The following COL1A2 variants were observed in gnomAD, a reference collection of about 807,000 sequenced individuals.
COL1A2 encodes the protein collagen alpha-2(I) chain.
In COL1A2, 49 loss-of-function variants were observed where a neutral mutation model predicts 174.3. The observed-to-expected ratio is 0.28, with a 90% CI of 0.22 to 0.36. The LOEUF is 0.36. Among genes scored for constraint, COL1A2 ranks in the 10% least tolerant of loss-of-function variants. COL1A2 has a pLI of 1.00. For synonymous variants in COL1A2, 655 were observed against 606.6 expected (o/e 1.08, Z -1.17); for missense variants, 1,438 against 1,822.7 (o/e 0.79, Z 3.84).
chr7:94,407,995 C>T, intron 13 of COL1A2, 104 bp downstream of exon 13: 1 of 1,258,370 alleles, frequency 7.9e-7, no homozygotes, highest in Non-Finnish European at 1.1e-6. Flanking sequence ...GCATTGTATT[C>T]TTTGATGTTT....
chr7:94,405,601 T>G (rs775320114), intron 10 of COL1A2, 72 bp from the exon 11 acceptor site: 85 of 1,351,928 alleles, frequency 6.3e-5, no homozygotes, highest in Non-Finnish European at 8.3e-5. Flanking sequence ...ATAAATACTT[T>G]GGAGGGAAGA....
intron 25 of COL1A2, 53 bp from the exon 26 acceptor site, chr7:94,413,030 T>C (rs1791960321): frequency 6.4e-7 from 1 of 1,557,922 alleles, no homozygotes; most frequent in Non-Finnish European, 8.9e-7. Flanking sequence ...GTGGTTAATT[T>C]GACATTAAAT....
In COL1A2 at chr7:94,427,641, C is replaced by A. The variant is rs753082771; in HGVS notation, c.3282C>A (p.Pro1094=). ...GHQGPAGPPG[P]PGPPGPPGVS... ...CACCTTTGCAGGGCCCCCCTGGTCC[C>A]CCTGGCCCTCCTGGACCTCCAGGTG... The change falls in exon 49 of 52, where the codon CCC becomes CCA. Residue 1094 remains proline (P), a synonymous_variant. Coordinates refer to ENST00000297268, the MANE Select transcript of COL1A2 (RefSeq NM_000089.4). 2 of 1,614,100 alleles carry A rather than the reference C, an allele frequency of 1.2e-6. No homozygotes were observed. The highest frequency in any genetic ancestry group is 4.5e-5 in the East Asian group (2 of 44,862).
Position 94,426,462 on chromosome 7 carries a change from G to A in COL1A2, c.3037G>A (p.Glu1013Lys), listed in dbSNP as rs1435469001. The change falls in exon 46 of 52, where the codon GAA (glutamate) becomes AAA (lysine). Residue 1013 changes from glutamate to lysine, a missense_variant. This residue lies in a region of COL1A2 where 867 missense variants were observed against 1,213.7 expected (regional missense o/e 0.71). Transcript: ENST00000297268. ...TCGTGGCGATAAGGGAGAGCCCGGT[G>A]AAAAGGGGCCCAGAGGTCTTCCTGG... Reference protein sequence around the residue: ...GIRGDKGEPGEKGPRGLPGLK... With the variant: ...GIRGDKGEPGKKGPRGLPGLK... The A allele has an allele frequency of 1.2e-6, 2 of 1,607,016 alleles. No individual in the cohort carries two copies. Among genetic ancestry groups the A allele is most frequent in the East Asian group, 2.2e-5 (1 of 44,678 alleles).
rs771378772 is a variant in COL1A2 at position 94,420,515 on chromosome 7, G to A, written c.2188-26G>A. The A allele has an allele frequency of 2.7e-5, 43 of 1,613,934 alleles. 2 individuals are homozygous for A. The Middle Eastern group carries it at 4.9e-4, about 19-fold the overall frequency. On this transcript the variant is annotated intron_variant, in intron 36 of 51. Transcript: ENST00000297268. The stretch of plus-strand genomic sequence containing the variant: ...GGGAGTAGAGTGGGTCGGAATACCA[G>A]AGCTGTAACTGTTTATTTCCAACAG...
intron 45 of COL1A2, 29 bp downstream of exon 45, chr7:94,426,080 A>G (rs1792271977): frequency 1.9e-6 from 3 of 1,588,408 alleles, no homozygotes; most frequent in Admixed American, 1.7e-5. Flanking sequence ...TTTCTTTGCA[A>G]CACTAACATT....
At chr7:94,425,372 G>C in intron 42 of COL1A2, 148 bp downstream of exon 42, 1 of 878,852 alleles carries the variant, frequency 1.1e-6, no homozygotes, top group Non-Finnish European at 1.8e-6. Flanking sequence ...CTGAAAATAT[G>C]AAAATTGCTT....
intron 6 of COL1A2, among the ~76,000 whole-genome samples, chr7:94,403,949 T>C (rs1368495859): frequency 6.6e-6 from 1 of 152,200 alleles, no homozygotes; most frequent in Non-Finnish European, 1.5e-5. Context: ...TATCATATAA[T>C]AGACTCTTCC....
At chr7:94,419,995 G>T (rs1792121459) in intron 34 of COL1A2, among the ~76,000 whole-genome samples, 3 of 152,094 alleles carry the variant, frequency 2.0e-5, no homozygotes, top group Non-Finnish European at 4.4e-5. Context: ...CCTCCTCCTG[G>T]TATTGTAGGC....
chr7:94,419,646 G>T, intron 34 of COL1A2, 95 bp downstream of exon 34: 1 of 1,321,982 alleles, frequency 7.6e-7, no homozygotes, highest in Non-Finnish European at 1.1e-6. Flanking sequence ...TTATGGCTTG[G>T]TATAAAGCCT....
intron 42 of COL1A2, 167 bp from the exon 43 acceptor site, chr7:94,425,443 T>C (rs2115950722): frequency 1.2e-6 from 1 of 863,528 alleles, no homozygotes; most frequent in Non-Finnish European, 1.9e-6. Context: ...ATTTAAAACA[T>C]CTCTAAAAAA....
intron 24 of COL1A2, 90 bp from the exon 25 acceptor site, chr7:94,412,494 A>G (rs1233242289): frequency 1.0e-6 from 1 of 995,234 alleles, no homozygotes; most frequent in Non-Finnish European, 1.6e-6. Flanking sequence ...CATTCAGAAA[A>G]CTATTCTGTT....
chr7:94,421,837 C>T, intron 38 of COL1A2, 62 bp from the exon 39 acceptor site: 2 of 1,527,040 alleles, frequency 1.3e-6, no homozygotes, highest in Non-Finnish European at 1.8e-6. Flanking sequence ...AAGAAATTCC[C>T]ATCTTACCCA....
At chr7:94,419,350 C>A in intron 33 of COL1A2, 148 bp from the exon 34 acceptor site, 1 of 892,542 alleles carries the variant, frequency 1.1e-6, no homozygotes, top group South Asian at 1.4e-5. Context: ...TAATTAGAAC[C>A]AAAATACATC....
Position 94,412,188 on chromosome 7 carries a change from G to C in COL1A2, c.1404+67G>C, listed in dbSNP as rs1224387122. 6 of 1,383,992 alleles carry C rather than the reference G, an allele frequency of 4.3e-6. No individual in the cohort carries two copies. In the East Asian group the frequency reaches 1.4e-4, roughly 32 times the overall value. The allele number at this position is 1,383,992 out of a possible 1,614,324, so 85.7% of individuals were successfully genotyped here. A position where few individuals can be genotyped will look rare whatever the true frequency, so the allele number is the denominator to read the frequency against. On this transcript the variant is annotated intron_variant, in intron 24 of 51. Coordinates refer to ENST00000297268, the MANE Select transcript of COL1A2 (RefSeq NM_000089.4). ...ATTGCACCCTTATCAAGTCTATTTT[G>C]TGGCTTATTTATACATGAACACATT... is the stretch of plus-strand genomic sequence containing the variant.
intron 51 of COL1A2, 112 bp downstream of exon 51, chr7:94,429,542 AGAG>A: frequency 9.0e-7 from 1 of 1,110,096 alleles, no homozygotes; most frequent in Non-Finnish European, 1.3e-6. Context: ...CAGAAGAATG[AGAG>A]AACTAACTTA....
rs752336890 is a variant in COL1A2, at chr7:94,404,752, T to C, written c.378+6T>C. 82 of 1,614,018 alleles carry C rather than the reference T, an allele frequency of 5.1e-5. No individual in the cohort carries two copies. Among genetic ancestry groups the C allele is most frequent in the Non-Finnish European group, 8.5e-6 (10 of 1,180,000 alleles). ...CTGGTGAACCTGGTCAAACTGTGAG[T>C]ACATTTTTCCACCTTTGTGATAAGT... On this transcript the variant is annotated splice_donor_region_variant and intron_variant, in intron 8 of 51. Transcript: ENST00000297268.
intron 19 of COL1A2, 62 bp downstream of exon 19, chr7:94,409,883 A>G: frequency 1.4e-6 from 2 of 1,443,986 alleles, no homozygotes; most frequent in South Asian, 2.3e-5. Context: ...TCATTTCATC[A>G]CTATCTAGAC....
chr7:94,430,943 C>T lies in COL1A2; in HGVS notation c.*550C>T, dbSNP rs1046837483. 6.4e-6 allele frequency: 1 copy of T among 155,162 alleles called. No homozygotes were observed. Among genetic ancestry groups the T allele is most frequent in the East Asian group, 1.9e-4 (1 of 5,240 alleles). 9.6% of individuals were successfully genotyped at this position (155,162 alleles called of 1,614,324 possible). A position where few individuals can be genotyped will look rare whatever the true frequency, so the allele number is the denominator to read the frequency against. On this transcript the variant is annotated 3_prime_UTR_variant, in exon 52 of 52. Coordinates refer to ENST00000297268, the MANE Select transcript of COL1A2 (RefSeq NM_000089.4). ...CTAGAAGAATTTGAGAAGAAATACTCCTGTATTGAGTTGTATCGTGTGGTG... is the reference window on the plus strand; with the variant it reads ...CTAGAAGAATTTGAGAAGAAATACTTCTGTATTGAGTTGTATCGTGTGGTG...
Sources: gnomAD v4.1 joint callset for allele counts (sites outside exome capture counted in the v4.1 genomes callset) on GRCh38, gnomAD v4.1.1 for gene constraint, gnomAD v4.1.1 regional missense constraint, MANE v1.5 for transcripts, NCBI Gene and HGNC (gene_info 2026-07-23, HGNC 2026-07-21) for gene names.